GALNT13: variants seen among roughly 807,000 people sequenced by gnomAD.
The protein encoded by GALNT13 is polypeptide N-acetylgalactosaminyltransferase 13, also known as UDP-GalNAc:polypeptide N-acetylgalactosaminyltransferase 13.
In GALNT13, 28 loss-of-function variants were observed where a neutral mutation model predicts 64.2. That is an observed-to-expected ratio of 0.44 (90% CI 0.32 to 0.60). The LOEUF (loss-of-function observed/expected upper bound fraction) is 0.60. GALNT13 is among the 20% of genes least tolerant of loss of function. The pLI, the probability that GALNT13 is intolerant of heterozygous loss-of-function variation, is 0.05. For synonymous variants in GALNT13, 214 were observed against 224.6 expected, an observed-to-expected ratio of 0.95 and a Z score of 0.42; for missense variants, 577 against 669.8, an observed-to-expected ratio of 0.86 and a Z score of 1.53.
chr2:153,481,353 C>A, the GALNT13 span, among the ~76,000 whole-genome samples: 1 of 151,962 alleles, frequency 6.6e-6, no homozygotes, highest in African/African-American at 2.4e-5. Context: ...TTATCTTTTC[C>A]TTTTGAATTT....
At chr2:153,189,136 T>C in the GALNT13 span, among the ~76,000 whole-genome samples, 1 of 152,178 alleles carries the variant, frequency 6.6e-6, no homozygotes, top group African/African-American at 2.4e-5. Flanking sequence ...ACAGTTTTTA[T>C]TCTGTTCTGA....
intron 3 of GALNT13, among the ~76,000 whole-genome samples, chr2:153,992,772 A>C (rs1434989778): frequency 1.3e-5 from 2 of 152,234 alleles, no homozygotes; most frequent in African/African-American, 2.4e-5. Flanking sequence ...AATAAAGTGG[A>C]ACAAAAAAGC....
chr2:153,609,523 A>T, the GALNT13 span, among the ~76,000 whole-genome samples: 1 of 151,996 alleles, frequency 6.6e-6, no homozygotes, highest in South Asian at 2.1e-4. Context: ...CTGATGTGAG[A>T]CCTTGCCTTT....
the GALNT13 span, among the ~76,000 whole-genome samples, chr2:153,231,136 A>C: frequency 1.3e-5 from 2 of 152,090 alleles, no homozygotes; most frequent in Non-Finnish European, 2.9e-5. Context: ...CCTCTAGCTA[A>C]TGGAGATACT....
At chr2:153,235,040 T>C in the GALNT13 span, among the ~76,000 whole-genome samples, 1 of 152,180 alleles carries the variant, frequency 6.6e-6, no homozygotes, top group Non-Finnish European at 1.5e-5. Flanking sequence ...CTGATGTTAC[T>C]GTCATAATTG....
intron 11 of GALNT13, 103 bp downstream of exon 11, chr2:154,409,185 TAATA>T (rs1412133271): frequency 1.3e-6 from 1 of 774,968 alleles, no homozygotes; most frequent in East Asian, 2.6e-5. Flanking sequence ...AAACTGAGCT[TAATA>T]AATAAATGTA....
chr2:153,451,686 G>T, the GALNT13 span, among the ~76,000 whole-genome samples: 2 of 152,160 alleles, frequency 1.3e-5, no homozygotes, highest in Non-Finnish European at 2.9e-5. Context: ...GAACTAAAAC[G>T]GAACTTGGGA....
intron 10 of GALNT13, among the ~76,000 whole-genome samples, chr2:154,400,497 T>A (rs190757167): frequency 3.9e-5 from 6 of 152,294 alleles, no homozygotes; most frequent in Admixed American, 2.0e-4. Context: ...TGTATTGGAA[T>A]ATATAGAGGC....
At chr2:154,150,527 T>A (rs971983098) in intron 4 of GALNT13, among the ~76,000 whole-genome samples, 1 of 152,186 alleles carries the variant, frequency 6.6e-6, no homozygotes, top group Admixed American at 6.5e-5. Flanking sequence ...CTTGTACCTC[T>A]GGTAGAATTC....
intron 8 of GALNT13, among the ~76,000 whole-genome samples, chr2:154,269,247 C>G (rs1437539944): frequency 1.3e-5 from 2 of 151,994 alleles, no homozygotes; most frequent in East Asian, 3.9e-4. Context: ...AAAGAATTTT[C>G]TAAGCAATGT....
At chr2:153,076,025 G>A in the GALNT13 span, among the ~76,000 whole-genome samples, 2 of 152,006 alleles carry the variant, frequency 1.3e-5, no homozygotes, top group East Asian at 3.9e-4. Context: ...TGCTATTGAT[G>A]GGCATTTCTA....
the GALNT13 span, among the ~76,000 whole-genome samples, chr2:153,748,514 T>C: frequency 6.6e-6 from 1 of 152,154 alleles, no homozygotes; most frequent in Non-Finnish European, 1.5e-5. Context: ...GATTTGCATT[T>C]CTCTGATAAT....
the GALNT13 span, among the ~76,000 whole-genome samples, chr2:153,529,752 A>T: frequency 6.6e-6 from 1 of 151,952 alleles, no homozygotes; most frequent in Non-Finnish European, 1.5e-5. Flanking sequence ...AGTTCAACAT[A>T]TGCAAATCAA....
At chr2:153,444,144 T>C in the GALNT13 span, among the ~76,000 whole-genome samples, 1 of 152,196 alleles carries the variant, frequency 6.6e-6, no homozygotes, top group African/African-American at 2.4e-5. Flanking sequence ...TTTATTCATC[T>C]ATCTACCTAT....
At chr2:153,558,278 G>A in the GALNT13 span, among the ~76,000 whole-genome samples, 1 of 152,178 alleles carries the variant, frequency 6.6e-6, no homozygotes, top group Admixed American at 6.5e-5. Flanking sequence ...TGCACTCCTT[G>A]GGCATTTACT....
chr2:153,317,723 T>C, the GALNT13 span, among the ~76,000 whole-genome samples: 1 of 152,198 alleles, frequency 6.6e-6, no homozygotes, highest in South Asian at 2.1e-4. Context: ...ATATTTTCAA[T>C]ACAACTGAGA....
chr2:154,319,295 AC>A, intron 9 of GALNT13, among the ~76,000 whole-genome samples: 1 of 152,228 alleles, frequency 6.6e-6, no homozygotes, highest in East Asian at 1.9e-4. Flanking sequence ...CATAATTCAA[AC>A]AAATGAGTAT....
chr2:154,166,044 G>A (rs927923825), intron 4 of GALNT13, among the ~76,000 whole-genome samples: 2 of 152,138 alleles, frequency 1.3e-5, no homozygotes, highest in African/African-American at 4.8e-5. Flanking sequence ...GGTCTCACGT[G>A]TCTAAACAAA....
the GALNT13 span, among the ~76,000 whole-genome samples, chr2:153,551,772 G>A: frequency 6.6e-6 from 1 of 152,174 alleles, no homozygotes; most frequent in Non-Finnish European, 1.5e-5. Flanking sequence ...TCAGAGCATA[G>A]ATGTTTAGTA....
Sources: allele counts gnomAD v4.1 joint callset (sites outside exome capture counted in the v4.1 genomes callset), GRCh38; gene constraint gnomAD v4.1.1; transcripts MANE v1.5; gene names NCBI Gene and HGNC (gene_info 2026-07-23, HGNC 2026-07-21).